Variants in LRP1B observed in about 807,000 individuals in gnomAD.
The protein encoded by LRP1B is LDL receptor related protein 1B.
Under a neutral mutation model 556.6 loss-of-function variants are expected in LRP1B, and 217 were observed. The ratio of observed to expected loss-of-function variants is 0.39; its 90% confidence interval spans 0.35 to 0.44. The LOEUF is 0.44. Among genes scored for constraint, LRP1B ranks in the 20% least tolerant of loss-of-function variants. The probability of loss-of-function intolerance (pLI) is 1.00; values close to 1 mark genes in which losing one functional copy is unlikely to be tolerated. For synonymous variants in LRP1B, 2,047 were observed against 1,865.8 expected (o/e 1.10, Z -2.50); for missense variants, 5,053 against 5,620.8 (o/e 0.90, Z 3.23).
At chr2:140,601,961 C>T (rs560578307) in intron 41 of LRP1B, among the ~76,000 whole-genome samples, 3 of 152,148 alleles carry the variant, frequency 2.0e-5, no homozygotes, top group East Asian at 3.9e-4. Context: ...AAATATCCAA[C>T]GTGCAACAAC....
intron 41 of LRP1B, among the ~76,000 whole-genome samples, chr2:140,645,578 C>T (rs1684451862): frequency 1.7e-5 from 2 of 115,978 alleles, no homozygotes; most frequent in African/African-American, 3.5e-5. Context: ...CTTGCTCTGT[C>T]GCCCAGGCTG....
At chr2:141,353,053 T>C (rs1014273833) in intron 3 of LRP1B, among the ~76,000 whole-genome samples, 4 of 151,958 alleles carry the variant, frequency 2.6e-5, no homozygotes, top group African/African-American at 9.7e-5. Context: ...GAGAAATAAT[T>C]TTGATTTTTA....
In LRP1B at chr2:141,512,547, T is replaced by C. The variant is rs117842513; in HGVS notation, c.206-32014A>G. Among the ~76,000 whole-genome samples the C allele has an allele frequency of 1.1e-4, 17 of 152,312 alleles. No individual in the cohort carries two copies. In the East Asian group the frequency reaches 3.1e-3, roughly 28 times the overall value. ...AATGGCAGAGCTCCCTCCAGCTTAG[T>C]TCCTGAATGACTTCATGGAGCTGAG... On this transcript the variant is annotated intron_variant, in intron 2 of 90. Transcript: ENST00000389484.
At chr2:141,301,878 A>T (rs903008055) in intron 3 of LRP1B, among the ~76,000 whole-genome samples, 2 of 152,166 alleles carry the variant, frequency 1.3e-5, no homozygotes, top group African/African-American at 4.8e-5. Flanking sequence ...GCCTAAAAAA[A>T]CAGACCATTG....
At chr2:141,443,790 A>G (rs1681076849) in intron 3 of LRP1B, among the ~76,000 whole-genome samples, 1 of 151,966 alleles carries the variant, frequency 6.6e-6, no homozygotes, top group Admixed American at 6.6e-5. Context: ...TGGTCTGTAT[A>G]TATGTTTTGG....
At chr2:140,253,804 T>C (rs1681556706) in intron 86 of LRP1B, among the ~76,000 whole-genome samples, 1 of 152,096 alleles carries the variant, frequency 6.6e-6, no homozygotes, top group Non-Finnish European at 1.5e-5. Context: ...TTAAGTAATA[T>C]GGTGGATGTA....
At chr2:140,808,176 A>G (rs186977114) in intron 32 of LRP1B, among the ~76,000 whole-genome samples, 287 of 101,182 alleles carry the variant, frequency 2.8e-3, no homozygotes, top group African/African-American at 7.9e-3. Flanking sequence ...TTATCTAGCA[A>G]CTTGAAAGGT....
chr2:140,637,067 T>G (rs1684094973), intron 41 of LRP1B, among the ~76,000 whole-genome samples: 1 of 152,342 alleles, frequency 6.6e-6, no homozygotes, highest in African/African-American at 2.4e-5. Flanking sequence ...TGCTGCATTG[T>G]ATTTTTAATA....
At chr2:141,153,778 T>G (rs183085049) in intron 7 of LRP1B, among the ~76,000 whole-genome samples, 263 of 150,800 alleles carry the variant, frequency 1.7e-3, no homozygotes, top group Middle Eastern at 6.8e-3. Flanking sequence ...AATCCTAGGA[T>G]TTGAGACTAA....
intron 43 of LRP1B, among the ~76,000 whole-genome samples, chr2:140,588,126 T>C (rs551248582): frequency 6.6e-6 from 1 of 152,228 alleles, no homozygotes; most frequent in Non-Finnish European, 1.5e-5. Flanking sequence ...AGAAGAAGCC[T>C]GTGAACATCA....
At chr2:140,804,649 A>C (rs923181) in intron 32 of LRP1B, among the ~76,000 whole-genome samples, 1 of 57,936 alleles carries the variant, frequency 1.7e-5, no homozygotes, top group East Asian at 6.1e-4. Context: ...GTAAAAACTA[A>C]TTTTTTTTTT....
intron 2 of LRP1B, among the ~76,000 whole-genome samples, chr2:141,536,104 T>G (rs1685062421): frequency 6.6e-6 from 1 of 152,140 alleles, no homozygotes; most frequent in African/African-American, 2.4e-5. Context: ...AGAATTTGTC[T>G]TATTGTCCTA....
At chr2:141,520,215 G>T (rs1684481190) in intron 2 of LRP1B, among the ~76,000 whole-genome samples, 1 of 152,110 alleles carries the variant, frequency 6.6e-6, no homozygotes, top group South Asian at 2.1e-4. Context: ...AAGGCAAGTG[G>T]ATTTTAATAA....
chr2:140,522,849 A>T (rs1690243597), intron 49 of LRP1B, among the ~76,000 whole-genome samples: 1 of 151,986 alleles, frequency 6.6e-6, no homozygotes, highest in Non-Finnish European at 1.5e-5. Context: ...TAAGGAAGAC[A>T]TTGAAAACAT....
At chr2:140,802,390 T>C (rs1559127882) in intron 32 of LRP1B, among the ~76,000 whole-genome samples, 1 of 152,226 alleles carries the variant, frequency 6.6e-6, no homozygotes, top group African/African-American at 2.4e-5. Context: ...TACAGGTATC[T>C]GAACCCAGAA....
At chr2:140,288,387 A>C (rs1683245522) in intron 84 of LRP1B, among the ~76,000 whole-genome samples, 1 of 151,850 alleles carries the variant, frequency 6.6e-6, no homozygotes, top group South Asian at 2.1e-4. Flanking sequence ...TTCTCTTTAA[A>C]GCATTTAAAG....
At chr2:141,041,131 T>G (rs1368422530) in intron 11 of LRP1B, among the ~76,000 whole-genome samples, 1 of 152,066 alleles carries the variant, frequency 6.6e-6, no homozygotes, top group African/African-American at 2.4e-5. Flanking sequence ...TCAACTTCTC[T>G]TCTGATATTA....
At chr2:141,750,261 C>T (rs1488291703) in intron 2 of LRP1B, among the ~76,000 whole-genome samples, 1 of 152,078 alleles carries the variant, frequency 6.6e-6, no homozygotes, top group East Asian at 1.9e-4. Flanking sequence ...CACACTCAGG[C>T]CAAGGGAAAG....
At chr2:140,284,895 G>GATATCTATATACCTGCCT (rs1683070014) in intron 84 of LRP1B, among the ~76,000 whole-genome samples, 1 of 111,626 alleles carries the variant, frequency 9.0e-6, no homozygotes, top group Admixed American at 9.1e-5. Context: ...TCTATATATG[G>GATATCTATATACCTGCCT]ATATCTATAT....
Sources: gnomAD v4.1 joint callset for allele counts (sites outside exome capture counted in the v4.1 genomes callset) on GRCh38, gnomAD v4.1.1 for gene constraint, MANE v1.5 for transcripts, NCBI Gene and HGNC (gene_info 2026-07-23, HGNC 2026-07-21) for gene names.